KLRG1: variants seen among roughly 807,000 people sequenced by gnomAD.
KLRG1 encodes killer cell lectin like receptor G1.
KLRG1 carries 16 observed loss-of-function variants against 21.8 expected under a neutral mutation model. That is an observed-to-expected ratio of 0.73 (90% CI 0.50 to 1.11). The LOEUF (loss-of-function observed/expected upper bound fraction) is 1.11, where lower values mean the gene tolerates loss of function less well. KLRG1 is among the 50% of genes most tolerant of loss of function. The pLI is 0.00. For synonymous variants in KLRG1, 69 were observed against 75.9 expected (o/e 0.91, Z 0.47); for missense variants, 173 against 218.3 (o/e 0.79, Z 1.31).
At chr12:9,071,188 G>A in the KLRG1 span, among the ~76,000 whole-genome samples, 6 of 152,042 alleles carry the variant, frequency 3.9e-5, no homozygotes, top group Admixed American at 3.9e-4. Flanking sequence ...ATCTATGCCA[G>A]TTATTTTATT....
At chr12:9,035,996 G>A in the KLRG1 span, among the ~76,000 whole-genome samples, 2 of 152,290 alleles carry the variant, frequency 1.3e-5, no homozygotes, top group African/African-American at 2.4e-5. Context: ...CTACTTGAGA[G>A]TGGAGATTGG....
the KLRG1 span, among the ~76,000 whole-genome samples, chr12:9,032,510 G>A: frequency 6.6e-6 from 1 of 152,148 alleles, no homozygotes; most frequent in African/African-American, 2.4e-5. Flanking sequence ...TTTAACCTTA[G>A]AGCAAAGATG....
intron 1 of KLRG1, among the ~76,000 whole-genome samples, chr12:8,977,664 T>G (rs1169607678): frequency 6.6e-6 from 1 of 152,174 alleles, no homozygotes; most frequent in Admixed American, 6.5e-5. Flanking sequence ...CTTCCTCTCT[T>G]GCTGTCTTCC....
chr12:8,980,389 A>G (rs923920801), intron 1 of KLRG1, among the ~76,000 whole-genome samples: 7 of 152,058 alleles, frequency 4.6e-5, no homozygotes, highest in African/African-American at 1.7e-4. Context: ...CAATTCATAG[A>G]TCTCCATTTC....
the KLRG1 span, among the ~76,000 whole-genome samples, chr12:9,124,374 C>G: frequency 6.6e-6 from 1 of 152,174 alleles, no homozygotes; most frequent in Non-Finnish European, 1.5e-5. Context: ...GCCTCCTGCT[C>G]TATGGAGCAG....
chr12:9,028,140 C>G, the KLRG1 span: 2 of 640,346 alleles, frequency 3.1e-6, no homozygotes, highest in Non-Finnish European at 5.2e-6. Context: ...TCAGTGTCGT[C>G]GTCTTCTTCT....
the KLRG1 span, chr12:9,192,103 T>C: frequency 2.7e-6 from 3 of 1,125,196 alleles, no homozygotes; most frequent in Admixed American, 5.3e-5. Flanking sequence ...GAAGGGATGA[T>C]GGAAACGATT....
At chr12:9,068,381 T>C in the KLRG1 span, among the ~76,000 whole-genome samples, 1 of 152,246 alleles carries the variant, frequency 6.6e-6, no homozygotes, top group Non-Finnish European at 1.5e-5. Context: ...TGTTGCTTGC[T>C]ACCTTATATT....
chr12:9,027,854 C>G, the KLRG1 span: 1 of 939,212 alleles, frequency 1.1e-6, no homozygotes, highest in Non-Finnish European at 1.7e-6. Flanking sequence ...AGTTGTCACT[C>G]CCACCAAAAC....
chr12:9,069,123 T>C, the KLRG1 span: 9 of 241,904 alleles, frequency 3.7e-5, no homozygotes, highest in African/African-American at 1.8e-4. Context: ...ACTAACTGTG[T>C]TCATTTTTTA....
the KLRG1 span, among the ~76,000 whole-genome samples, chr12:9,017,230 C>T: frequency 1.6e-5 from 2 of 128,028 alleles, no homozygotes; most frequent in Non-Finnish European, 3.1e-5. Flanking sequence ...TGCCATTGCA[C>T]TCCAGCCAGG....
the KLRG1 span, chr12:9,151,765 C>A: frequency 1.0e-6 from 1 of 978,546 alleles, no homozygotes; most frequent in South Asian, 1.5e-5. Context: ...GACAAATGGT[C>A]ATTCTCTGAA....
the KLRG1 span, among the ~76,000 whole-genome samples, chr12:9,090,799 A>G: frequency 6.6e-6 from 1 of 152,190 alleles, no homozygotes; most frequent in African/African-American, 2.4e-5. Context: ...CCGGCAGAGG[A>G]TACAAGACTT....
the KLRG1 span, chr12:9,163,806 T>C: frequency 1.2e-6 from 2 of 1,608,742 alleles, no homozygotes; most frequent in East Asian, 2.2e-5. Context: ...CAAGGAATAT[T>C]GAAAACATGA....
the KLRG1 span, chr12:9,164,274 G>A: frequency 3.7e-6 from 6 of 1,611,060 alleles, no homozygotes; most frequent in Non-Finnish European, 5.1e-6. Flanking sequence ...CACCCCATGT[G>A]AGGCAGAGAC....
intron 1 of KLRG1, among the ~76,000 whole-genome samples, chr12:8,990,594 C>G (rs763064087): frequency 6.6e-6 from 1 of 151,988 alleles, no homozygotes; most frequent in East Asian, 1.9e-4. Context: ...TTTGTGTAAC[C>G]TTTTCCTATT....
the KLRG1 span, chr12:9,149,419 C>T: frequency 5.3e-6 from 4 of 760,832 alleles, no homozygotes; most frequent in Non-Finnish European, 8.3e-6. Flanking sequence ...GCATGCTACG[C>T]CACAGTTTTG....
the KLRG1 span, among the ~76,000 whole-genome samples, chr12:9,130,451 A>C: frequency 2.6e-5 from 4 of 151,614 alleles, no homozygotes; most frequent in South Asian, 6.2e-4. Flanking sequence ...CATCCTTGCC[A>C]ACACTTGTTA....
Position 9,004,497 on chromosome 12 carries a change from C to A in KLRG1, c.358-4478C>A, listed in dbSNP as rs148904408. 8.9e-3 allele frequency among the ~76,000 whole-genome samples: 1,349 copies of A among 152,306 alleles called. 7 individuals carry two copies. The highest frequency in any genetic ancestry group is 0.017 in the Middle Eastern group (5 of 294). On this transcript the variant is annotated intron_variant, in intron 3 of 4. Transcript: ENST00000356986. The stretch of plus-strand genomic sequence containing the variant: ...TAATTTTTTAAAAAAGAGATGGGAT[C>A]TTGCTCTGTTACCCAGGCTGGAGAG...
Sources: gnomAD v4.1 joint callset for allele counts (sites outside exome capture counted in the v4.1 genomes callset) on GRCh38, gnomAD v4.1.1 for gene constraint, MANE v1.5 for transcripts, NCBI Gene and HGNC (gene_info 2026-07-23, HGNC 2026-07-21) for gene names.